The following CCDC88C variants were observed in gnomAD, a reference collection of about 807,000 sequenced individuals.
CCDC88C encodes protein Daple.
CCDC88C carries 131 observed loss-of-function variants against 198.8 expected under a neutral mutation model. That is an observed-to-expected ratio of 0.66 (90% CI 0.57 to 0.76). The LOEUF (loss-of-function observed/expected upper bound fraction) is 0.76, where lower values mean the gene tolerates loss of function less well. Among genes scored for constraint, CCDC88C ranks in the 30% least tolerant of loss-of-function variants. CCDC88C has a pLI of 0.00. For synonymous variants in CCDC88C, 1,166 were observed against 1,114.7 expected, an observed-to-expected ratio of 1.05 and a Z score of -0.92; for missense variants, 2,553 against 2,631.6, an observed-to-expected ratio of 0.97 and a Z score of 0.65.
At chr14:91,282,183 CAG>C (rs1377719888) in intron 26 of CCDC88C, among the ~76,000 whole-genome samples, 16 of 152,316 alleles carry the variant, frequency 1.1e-4, no homozygotes, top group Admixed American at 9.2e-4. Context: ...CCACCTGCAA[CAG>C]ATATCTGGAG....
In CCDC88C at chr14:91,273,481, G is replaced by C. The variant is rs762705123; in HGVS notation, c.5231C>G (p.Pro1744Arg). Residue 1744 changes from proline to arginine, a missense_variant, in exon 30 of 30, where the codon CCG (proline) becomes CGG (arginine). This residue lies in a region of CCDC88C where 1,293 missense variants were observed against 1,219.6 expected (regional missense o/e 1.06). Transcript: ENST00000389857. The surrounding 1 kb of genome is among the most constrained non-coding windows in gnomAD (Gnocchi z 5.6). Reference sequence around the variant, plus strand: ...CTTTACGTACTGCCCGGGCTTCAGCGGCCTCCCCTCCGAGGTGGGGGCGGC... The same window carrying C: ...CTTTACGTACTGCCCGGGCTTCAGCCGCCTCCCCTCCGAGGTGGGGGCGGC... ...KMAAPTSEGR[P>R]LKPGQYVKPN... is the part of the protein sequence containing the mutation. The C allele has an allele frequency of 4.5e-6, 7 of 1,565,706 alleles. No homozygotes were observed. The Admixed American group carries it at 9.4e-5, about 21-fold the overall frequency.
chr14:91,273,306 G>T lies in CCDC88C; in HGVS notation c.5406C>A (p.Ser1802Arg), dbSNP rs1889820621. 1.9e-6 allele frequency: 3 copies of T among 1,555,654 alleles called. No individual in the cohort carries two copies. Among genetic ancestry groups the T allele is most frequent in the Non-Finnish European group, 2.6e-6 (3 of 1,148,338 alleles). ...HAPASRSASL[S>R]RAFSLASADL... is the part of the protein sequence containing the mutation. ...CAGCTGAGGCCAGGCTGAAGGCCCG[G>T]CTCAAGGAGGCACTGCGGCTGGCAG... Residue 1802 changes from serine (S) to arginine (R), a missense_variant, in exon 30 of 30, where the codon AGC (serine) becomes AGA (arginine). Transcript: ENST00000389857. This position sits in a 1 kb window ranked among gnomAD's most constrained non-coding sequence, Gnocchi z 5.6.
At chr14:91,358,836 G>A (rs762364431) in intron 4 of CCDC88C, among the ~76,000 whole-genome samples, 1 of 152,086 alleles carries the variant, frequency 6.6e-6, no homozygotes, top group African/African-American at 2.4e-5. Context: ...CTGAGCGTCA[G>A]AGACTGCGGG....
chr14:91,283,961 T>C (rs1292479795), intron 25 of CCDC88C, among the ~76,000 whole-genome samples: 4 of 152,198 alleles, frequency 2.6e-5, no homozygotes, highest in Non-Finnish European at 5.9e-5. Flanking sequence ...GGACTTCAAA[T>C]AGAAGTTTAT....
intron 26 of CCDC88C, 142 bp from the exon 27 acceptor site, chr14:91,281,667 G>A (rs1397696781): frequency 1.4e-6 from 1 of 701,566 alleles, no homozygotes; most frequent in Non-Finnish European, 2.6e-6. Flanking sequence ...CTGCCTTTGG[G>A]ACCTGCCTCT....
chr14:91,283,180 G>C, intron 26 of CCDC88C, 149 bp downstream of exon 26: 1 of 810,940 alleles, frequency 1.2e-6, no homozygotes, highest in Non-Finnish European at 1.9e-6. Context: ...CTGCATCTGT[G>C]CCACCAAAGC....
At chr14:91,302,026 A>T (rs1307199398) in intron 20 of CCDC88C, among the ~76,000 whole-genome samples, 1 of 152,370 alleles carries the variant, frequency 6.6e-6, no homozygotes, top group African/African-American at 2.4e-5. Context: ...AGATGCCTCA[A>T]CAGCCCCTGA....
rs1892507772 is a variant in CCDC88C at position 91,324,645 on chromosome 14, G to C, written c.1342+134C>G. 3 of 1,131,304 alleles carry C rather than the reference G, an allele frequency of 2.7e-6. No homozygotes were observed. In the East Asian group the frequency reaches 7.1e-5, roughly 27 times the overall value. The allele number at this position is 1,131,304 out of a possible 1,614,324, so 70.1% of individuals were successfully genotyped here. On this transcript the variant is annotated intron_variant, in intron 12 of 29. Transcript: ENST00000389857. Reference sequence around the variant, plus strand: ...AACTGTAATGAAACAGTTCCAAGTGGAGCTTGAAGGAAATCATGTTTGCCT... The same window carrying C: ...AACTGTAATGAAACAGTTCCAAGTGCAGCTTGAAGGAAATCATGTTTGCCT...
At chr14:91,297,576 T>G in intron 21 of CCDC88C, 85 bp from the exon 22 acceptor site, 3 of 1,384,644 alleles carry the variant, frequency 2.2e-6, no homozygotes, top group Non-Finnish European at 3.0e-6. Context: ...ATGTCCCAGC[T>G]CTGACAGTGG....
Position 91,313,190 on chromosome 14 carries a change from G to C in CCDC88C, c.2626C>G (p.Leu876Val). 1.2e-6 allele frequency: 2 copies of C among 1,613,614 alleles called. No homozygotes were observed. Among genetic ancestry groups the C allele is most frequent in the Non-Finnish European group, 1.7e-6 (2 of 1,179,758 alleles). The change falls in exon 15 of 30, where the codon CTG becomes GTG. Residue 876 changes from leucine (L) to valine (V), a missense_variant. By Grantham distance (32) the Leu-to-Val change is conservative. Around this residue, in one of 2 missense-constraint regions of CCDC88C, gnomAD observed 1,260 missense variants for 1,412.0 expected, o/e 0.89. Transcript: ENST00000389857. The surrounding 1 kb of genome is among the most constrained non-coding windows in gnomAD (Gnocchi z 5.2). ...CCGGCTGCGTCCCTGCAGCGGGCCAGCTCCTTGTCCAGCGCGCGGCTCTCC... is the reference window on the plus strand; with the variant it reads ...CCGGCTGCGTCCCTGCAGCGGGCCACCTCCTTGTCCAGCGCGCGGCTCTCC... ...EKESRALDKE[L>V]ARCRDAAGKL...
rs7146667 is a variant in CCDC88C at position 91,400,313 on chromosome 14, G to A, written c.270+8346C>T. On this transcript the variant is annotated intron_variant, in intron 3 of 29. Transcript: ENST00000389857. ...TTATACAAGCTCTAGCTAGGGAATG[G>A]GGATCGGGAGGAGGACGGGGGACCC... 6.4e-3 allele frequency among the ~76,000 whole-genome samples: 971 copies of A among 152,368 alleles called. 9 individuals are homozygous for A. The highest frequency in any genetic ancestry group is 0.021 in the African/African-American group (861 of 41,592).
chr14:91,397,773 G>C (rs1400085485), intron 3 of CCDC88C, among the ~76,000 whole-genome samples: 4 of 152,202 alleles, frequency 2.6e-5, no homozygotes, highest in Admixed American at 1.3e-4. Flanking sequence ...CTCCCAGCTG[G>C]GGGGCACACC....
At chr14:91,390,447 CAAGCTGGCA>C (rs1885440069) in intron 3 of CCDC88C, among the ~76,000 whole-genome samples, 1 of 152,218 alleles carries the variant, frequency 6.6e-6, no homozygotes, top group Non-Finnish European at 1.5e-5. Flanking sequence ...GAAGAAAAAC[CAAGCTGGCA>C]TCTCAGAGGC....
chr14:91,404,957 TC>T (rs1263375981), intron 3 of CCDC88C, among the ~76,000 whole-genome samples: 6 of 131,920 alleles, frequency 4.5e-5, no homozygotes, highest in Non-Finnish European at 6.3e-5. Context: ...AGAGCGAGAC[TC>T]CATCTCAAAA....
intron 10 of CCDC88C, 75 bp downstream of exon 10, chr14:91,337,930 G>C: frequency 6.4e-7 from 1 of 1,567,418 alleles, no homozygotes; most frequent in Non-Finnish European, 8.7e-7. Flanking sequence ...AGCCCCCAAG[G>C]ACAGGTCAGT....
intron 13 of CCDC88C, among the ~76,000 whole-genome samples, chr14:91,320,772 G>A (rs565628638): frequency 1.5e-4 from 23 of 152,320 alleles, no homozygotes; most frequent in African/African-American, 3.6e-4. Flanking sequence ...GTGAGGTACT[G>A]GGAGCAGTGG....
At position 91,343,605 on chromosome 14, in the gene CCDC88C, A is replaced by G. The variant is rs1484054664; in HGVS notation, c.393T>C (p.Ala131=). 6.2e-7 allele frequency: 1 copy of G among 1,613,766 alleles called. No individual in the cohort carries two copies. The highest frequency in any genetic ancestry group is 8.5e-7 in the Non-Finnish European group (1 of 1,179,810). ...KKVLLLVLGC[A]VQCERKEEFI... ...AGCCCTGCCCAATCCCTACCTGGAC[A>G]GCACAGCCCAGCACCAGCAGCAGCA... Residue 131 remains alanine, a synonymous_variant, in exon 5 of 30, where the codon GCT becomes GCC. Coordinates refer to ENST00000389857, the MANE Select transcript of CCDC88C (RefSeq NM_001080414.4).
At chr14:91,411,120 TTAAC>T (rs1370388039) in intron 2 of CCDC88C, among the ~76,000 whole-genome samples, 2 of 152,138 alleles carry the variant, frequency 1.3e-5, no homozygotes, top group Admixed American at 1.3e-4. Flanking sequence ...ACTCCCTCCT[TTAAC>T]TAAGCCTCTC....
Position 91,273,222 on chromosome 14 carries a change from C to A in CCDC88C, c.5490G>T (p.Gly1830=), listed in dbSNP as rs1197047788. ...CTCTGCCCCCTAAGGCCTCAGGAGC[C>A]CCCAGCTTCTGAGGGGACTCCTGTT... The part of the protein sequence containing the change: ...ACKQESPQKL[G]APEALGGRET... The change falls in exon 30 of 30, where the codon GGG becomes GGT. Residue 1830 remains glycine, a synonymous_variant. Coordinates refer to ENST00000389857, the MANE Select transcript of CCDC88C (RefSeq NM_001080414.4). The surrounding 1 kb of genome is among the most constrained non-coding windows in gnomAD (Gnocchi z 5.6). 6.4e-7 allele frequency: 1 copy of A among 1,562,450 alleles called. No homozygotes were observed. The highest frequency in any genetic ancestry group is 8.7e-7 in the Non-Finnish European group (1 of 1,153,334).
Sources: gnomAD v4.1 joint callset for allele counts (sites outside exome capture counted in the v4.1 genomes callset) on GRCh38, gnomAD v4.1.1 for gene constraint, gnomAD v4.1.1 regional missense constraint, Gnocchi (gnomAD v3.1) non-coding constraint, MANE v1.5 for transcripts, NCBI Gene and HGNC (gene_info 2026-07-23, HGNC 2026-07-21) for gene names.